The following HIVEP2 variants were observed in gnomAD, a reference collection of about 807,000 sequenced individuals.
The protein encoded by HIVEP2 is HIVEP zinc finger 2, also known as transcription factor HIVEP2.
A neutral mutation model predicts 180.7 loss-of-function variants in HIVEP2; 14 were observed. That is an observed-to-expected ratio of 0.08 (90% CI 0.05 to 0.12). The LOEUF (loss-of-function observed/expected upper bound fraction) is 0.12. Among genes scored for constraint, HIVEP2 ranks in the 10% least tolerant of loss-of-function variants. The pLI, the probability that HIVEP2 is intolerant of heterozygous loss-of-function variation, is 1.00. For synonymous variants in HIVEP2, 1,184 were observed against 1,136.4 expected, an observed-to-expected ratio of 1.04 and a Z score of -0.84; for missense variants, 2,579 against 3,008.5, an observed-to-expected ratio of 0.86 and a Z score of 3.34.
At chr6:142,825,652 T>C (rs943416730) in intron 2 of HIVEP2, among the ~76,000 whole-genome samples, 1 of 152,214 alleles carries the variant, frequency 6.6e-6, no homozygotes, top group Admixed American at 6.5e-5. Context: ...CTGATTTTAA[T>C]AGACATTACA....
intron 1 of HIVEP2, among the ~76,000 whole-genome samples, chr6:142,888,421 C>A (rs1455026381): frequency 6.6e-6 from 1 of 152,052 alleles, no homozygotes; most frequent in Non-Finnish European, 1.5e-5. Flanking sequence ...GCCACAGTGT[C>A]CAGCCACAGA....
At position 142,789,352 on chromosome 6, in the gene HIVEP2, G is replaced by A. The variant is rs116636657; in HGVS notation, c.-527-5737C>T. ...CCCAACATGTGTCCTTAAAACACAC[G>A]TCATGTTTTCTAAGATAAGAGCTAT... On this transcript the variant is annotated intron_variant, in intron 2 of 9. Transcript: ENST00000367603. 3.8e-3 allele frequency among the ~76,000 whole-genome samples: 583 copies of A among 152,214 alleles called. 1 individual carries two copies. Among genetic ancestry groups the A allele is most frequent in the African/African-American group, 0.013 (547 of 41,534 alleles).
In HIVEP2 at chr6:142,771,099, A is replaced by G. The variant is rs777470299; in HGVS notation, c.3640T>C (p.Cys1214Arg). Reference sequence around the variant, plus strand: ...TGCTGAGCTGGTAAATGAACCATACAAACTGTAGGATACTGAAACTGAAAC... The same window carrying G: ...TGCTGAGCTGGTAAATGAACCATACGAACTGTAGGATACTGAAACTGAAAC... ...ALFQFQYPTVCMVHLPAQQPP... is the reference protein window; with the variant it reads ...ALFQFQYPTVRMVHLPAQQPP... The change falls in exon 5 of 10, where the codon TGT (cysteine) becomes CGT (arginine). Residue 1214 changes from cysteine (C) to arginine (R), a missense_variant. Coordinates refer to ENST00000367603, the MANE Select transcript of HIVEP2 (RefSeq NM_006734.4). The surrounding 1 kb of genome is among the most constrained non-coding windows in gnomAD (Gnocchi z 5.4). 1.9e-6 allele frequency: 3 copies of G among 1,614,100 alleles called. No individual in the cohort carries two copies. The African/African-American group carries it at 4.0e-5, about 22-fold the overall frequency.
intron 1 of HIVEP2, among the ~76,000 whole-genome samples, chr6:142,867,850 G>C (rs1776179448): frequency 6.6e-6 from 1 of 152,154 alleles, no homozygotes; most frequent in Non-Finnish European, 1.5e-5. Flanking sequence ...ATTCCAATAG[G>C]ATCCCATATG....
At chr6:142,848,401 T>G (rs1029703881) in intron 1 of HIVEP2, among the ~76,000 whole-genome samples, 2 of 152,132 alleles carry the variant, frequency 1.3e-5, no homozygotes, top group African/African-American at 4.8e-5. Flanking sequence ...GGAGGAAGTA[T>G]GTTTAGGAAA....
Position 142,925,734 on chromosome 6 carries a change from G to A in HIVEP2, c.-641+19365C>T, listed in dbSNP as rs186049545. Among the ~76,000 whole-genome samples the A allele has an allele frequency of 2.6e-3, 398 of 152,240 alleles. 2 individuals are homozygous for A. Among genetic ancestry groups the A allele is most frequent in the Admixed American group, 9.5e-3 (145 of 15,300 alleles). ...CTACTGAAAGCATACATAAGTCAGC[G>A]GTTAGCTTCATGACTCAGTTTAACT... is the stretch of plus-strand genomic sequence containing the variant. On this transcript the variant is annotated intron_variant, in intron 1 of 9. Coordinates refer to ENST00000367603, the MANE Select transcript of HIVEP2 (RefSeq NM_006734.4).
At chr6:142,811,410 T>A (rs1206854299) in intron 2 of HIVEP2, among the ~76,000 whole-genome samples, 1 of 152,230 alleles carries the variant, frequency 6.6e-6, no homozygotes, top group African/African-American at 2.4e-5. Flanking sequence ...TGGGAGTAAG[T>A]AGGTGGATTT....
intron 1 of HIVEP2, among the ~76,000 whole-genome samples, chr6:142,862,816 AT>A (rs1776031779): frequency 7.5e-6 from 1 of 133,996 alleles, no homozygotes. Flanking sequence ...TATCATATAT[AT>A]TTTTATATAA....
intron 1 of HIVEP2, among the ~76,000 whole-genome samples, chr6:142,850,425 A>G (rs1177116739): frequency 2.0e-5 from 3 of 152,350 alleles, no homozygotes; most frequent in South Asian, 2.1e-4. Context: ...GAATAAATCA[A>G]TAAGGAATCG....
At chr6:142,906,701 T>A (rs1168501822) in intron 1 of HIVEP2, among the ~76,000 whole-genome samples, 2 of 152,112 alleles carry the variant, frequency 1.3e-5, no homozygotes, top group Non-Finnish European at 2.9e-5. Context: ...GCCATTAAAA[T>A]CAGAATATGG....
chr6:142,814,746 G>A (rs141463552), intron 2 of HIVEP2, among the ~76,000 whole-genome samples: 146 of 152,182 alleles, frequency 9.6e-4, no homozygotes, highest in African/African-American at 3.5e-3. Context: ...TTTATGCAGA[G>A]ATATCTAGTA....
chr6:142,771,657 G>C lies in HIVEP2; in HGVS notation c.3082C>G (p.Arg1028Gly). Reference sequence around the variant, plus strand: ...GGCATCTGCTCTGATGAGCAGCGTCGCATCTCTTTCTGGTGGTGATGGCCT... The same window carrying C: ...GGCATCTGCTCTGATGAGCAGCGTCCCATCTCTTTCTGGTGGTGATGGCCT... ...VPGHHHQKEM[R>G]RCSSEQMPCP... Residue 1028 changes from arginine to glycine, a missense_variant, in exon 5 of 10, where the codon CGA becomes GGA. Transcript: ENST00000367603. The surrounding 1 kb of genome is among the most constrained non-coding windows in gnomAD (Gnocchi z 5.4). 2 of 1,614,138 alleles carry C rather than the reference G, an allele frequency of 1.2e-6. No homozygotes were observed. The highest frequency in any genetic ancestry group is 1.7e-6 in the Non-Finnish European group (2 of 1,180,014).
intron 6 of HIVEP2, among the ~76,000 whole-genome samples, chr6:142,766,929 G>T (rs1420476230): frequency 6.6e-6 from 1 of 152,076 alleles, no homozygotes; most frequent in African/African-American, 2.4e-5. Context: ...GTAACACAAG[G>T]TTTGGAAAAA....
intron 1 of HIVEP2, among the ~76,000 whole-genome samples, chr6:142,869,313 T>G (rs1378263836): frequency 6.6e-6 from 1 of 152,058 alleles, no homozygotes; most frequent in Non-Finnish European, 1.5e-5. Context: ...ATGAAGTGCA[T>G]GTAGCCAAAA....
At chr6:142,871,827 G>A (rs1367710152) in intron 1 of HIVEP2, among the ~76,000 whole-genome samples, 1 of 152,110 alleles carries the variant, frequency 6.6e-6, no homozygotes, top group Non-Finnish European at 1.5e-5. Flanking sequence ...TTAATTGATG[G>A]AAATTAGGTA....
chr6:142,784,939 G>A (rs1318443804), intron 2 of HIVEP2, among the ~76,000 whole-genome samples: 1 of 152,050 alleles, frequency 6.6e-6, no homozygotes, highest in Non-Finnish European at 1.5e-5. Flanking sequence ...CCAGGCTGGA[G>A]TGCAGTGGCG....
At chr6:142,820,297 TTCTCTC>T (rs3057563) in intron 2 of HIVEP2, among the ~76,000 whole-genome samples, 30 of 148,400 alleles carry the variant, frequency 2.0e-4, no homozygotes, top group African/African-American at 6.8e-4. Flanking sequence ...TCGCTCTCTC[TTCTCTC>T]TCTCTCTCTC....
At chr6:142,825,285 A>G (rs1774853027) in intron 2 of HIVEP2, among the ~76,000 whole-genome samples, 1 of 93,916 alleles carries the variant, frequency 1.1e-5, no homozygotes, top group African/African-American at 6.2e-5. Context: ...CTAAAGTCCA[A>G]TTACACACAC....
At chr6:142,921,944 C>T (rs910893493) in intron 1 of HIVEP2, among the ~76,000 whole-genome samples, 4 of 152,182 alleles carry the variant, frequency 2.6e-5, no homozygotes, top group Non-Finnish European at 4.4e-5. Context: ...CTTTTCAGTT[C>T]TTATCTTACT....
Sources: gnomAD v4.1 joint callset for allele counts (sites outside exome capture counted in the v4.1 genomes callset) on GRCh38, gnomAD v4.1.1 for gene constraint, Gnocchi (gnomAD v3.1) non-coding constraint, MANE v1.5 for transcripts, NCBI Gene and HGNC (gene_info 2026-07-23, HGNC 2026-07-21) for gene names.